The following BMP6 variants were observed in gnomAD, a reference collection of about 807,000 sequenced individuals.
BMP6 encodes the protein bone morphogenetic protein 6, also known as VG-1-R.
In BMP6, 17 loss-of-function variants were observed where a neutral mutation model predicts 54.1. That is an observed-to-expected ratio of 0.31 (90% CI 0.22 to 0.47). The LOEUF (loss-of-function observed/expected upper bound fraction) is 0.47. Among genes scored for constraint, BMP6 ranks in the 20% least tolerant of loss-of-function variants. The probability of loss-of-function intolerance (pLI) is 1.00; values close to 1 mark genes in which losing one functional copy is unlikely to be tolerated. For synonymous variants in BMP6, 328 were observed against 291.2 expected, an observed-to-expected ratio of 1.13 and a Z score of -1.28; for missense variants, 720 against 690.4, an observed-to-expected ratio of 1.04 and a Z score of -0.48.
chr6:7,847,920 C>A (rs1464703000), intron 2 of BMP6, among the ~76,000 whole-genome samples: 2 of 152,228 alleles, frequency 1.3e-5, no homozygotes, highest in East Asian at 3.9e-4. Flanking sequence ...TGAGAATAAG[C>A]CCTTAGATGG....
At chr6:7,801,553 TG>T (rs1460082858) in intron 1 of BMP6, among the ~76,000 whole-genome samples, 2 of 152,202 alleles carry the variant, frequency 1.3e-5, no homozygotes, top group African/African-American at 4.8e-5. Flanking sequence ...TCCACAGGCT[TG>T]GCATCACCTT....
chr6:7,811,803 A>G (rs1758440347), intron 1 of BMP6, among the ~76,000 whole-genome samples: 1 of 152,212 alleles, frequency 6.6e-6, no homozygotes, highest in African/African-American at 2.4e-5. Flanking sequence ...TCTTGCAGAG[A>G]TGAGAATGCT....
At chr6:7,732,365 C>G (rs1486443656) in intron 1 of BMP6, among the ~76,000 whole-genome samples, 1 of 152,160 alleles carries the variant, frequency 6.6e-6, no homozygotes, top group East Asian at 1.9e-4. Flanking sequence ...AAACTAAGAT[C>G]AAAGGGCAAG....
intron 1 of BMP6, among the ~76,000 whole-genome samples, chr6:7,766,582 C>T (rs1310722121): frequency 6.6e-6 from 1 of 152,090 alleles, no homozygotes; most frequent in Non-Finnish European, 1.5e-5. Flanking sequence ...CGTGCCACTG[C>T]ACTCCAGCCT....
chr6:7,802,510 G>T (rs1350631637), intron 1 of BMP6, among the ~76,000 whole-genome samples: 1 of 152,196 alleles, frequency 6.6e-6, no homozygotes, highest in Non-Finnish European at 1.5e-5. Context: ...TAATAAGGCA[G>T]TCAAAATTAA....
chr6:7,843,845 G>T (rs764451595), intron 1 of BMP6, among the ~76,000 whole-genome samples: 12 of 152,094 alleles, frequency 7.9e-5, no homozygotes, highest in Non-Finnish European at 1.5e-4. Flanking sequence ...TTTCTCATTT[G>T]TCTTCATGCG....
At chr6:7,767,582 T>G (rs1201251177) in intron 1 of BMP6, among the ~76,000 whole-genome samples, 1 of 152,208 alleles carries the variant, frequency 6.6e-6, no homozygotes, top group African/African-American at 2.4e-5. Flanking sequence ...GATACAAATC[T>G]GTAACTTTTT....
chr6:7,845,094 T>C (rs1434157581), intron 1 of BMP6, 46 bp from the exon 2 acceptor site: 3 of 1,538,790 alleles, frequency 1.9e-6, no homozygotes, highest in Non-Finnish European at 2.7e-6. Flanking sequence ...CCGTGGCACT[T>C]AGTCAAGTAA....
intron 1 of BMP6, among the ~76,000 whole-genome samples, chr6:7,744,375 T>C (rs768821599): frequency 2.0e-5 from 3 of 150,586 alleles, no homozygotes; most frequent in Non-Finnish European, 4.4e-5. Flanking sequence ...ACTCGGGAGG[T>C]TGAGGCAGGA....
chr6:7,800,079 G>GGTGTGTGTGTGT (rs72469855), intron 1 of BMP6, among the ~76,000 whole-genome samples: 1 of 145,066 alleles, frequency 6.9e-6, no homozygotes, highest in East Asian at 2.0e-4. Context: ...TAAAGGAAGG[G>GGTGTGTGTGTGT]GTGTGTGTGT....
chr6:7,859,802 C>T (rs759652797), intron 2 of BMP6, among the ~76,000 whole-genome samples: 3 of 152,100 alleles, frequency 2.0e-5, no homozygotes, highest in Admixed American at 1.3e-4. Context: ...TGTGGCCTCC[C>T]GCAGACTCTG....
chr6:7,828,575 C>A (rs975213083), intron 1 of BMP6, among the ~76,000 whole-genome samples: 2 of 152,252 alleles, frequency 1.3e-5, no homozygotes, highest in African/African-American at 2.4e-5. Flanking sequence ...GCCAGGCCAG[C>A]CAGCTCTTGA....
chr6:7,757,102 C>CAATG (rs1757526424), intron 1 of BMP6, among the ~76,000 whole-genome samples: 1 of 152,190 alleles, frequency 6.6e-6, no homozygotes, highest in South Asian at 2.1e-4. Context: ...CTTCTAAACT[C>CAATG]AATGAGATTG....
intron 1 of BMP6, among the ~76,000 whole-genome samples, chr6:7,759,831 G>A (rs567500499): frequency 6.8e-6 from 1 of 146,638 alleles, no homozygotes; most frequent in East Asian, 2.1e-4. Context: ...AGCCTCCCAA[G>A]TAGCTGGGAT....
chr6:7,858,781 C>T (rs528622687), intron 2 of BMP6, among the ~76,000 whole-genome samples: 4 of 150,280 alleles, frequency 2.7e-5, no homozygotes, highest in Non-Finnish European at 5.9e-5. Flanking sequence ...GCCTCACTTC[C>T]CTTCCAGAGG....
At chr6:7,765,061 G>A (rs549101851) in intron 1 of BMP6, among the ~76,000 whole-genome samples, 1 of 152,360 alleles carries the variant, frequency 6.6e-6, no homozygotes, top group Non-Finnish European at 1.5e-5. Context: ...GCTTTTTGCA[G>A]TTGTATTCCT....
At chr6:7,797,961 G>C (rs1318050421) in intron 1 of BMP6, among the ~76,000 whole-genome samples, 1 of 152,208 alleles carries the variant, frequency 6.6e-6, no homozygotes, top group Non-Finnish European at 1.5e-5. Flanking sequence ...TTTTTGTAAA[G>C]ATCAGATGTC....
At chr6:7,767,057 G>C (rs1757703920) in intron 1 of BMP6, among the ~76,000 whole-genome samples, 1 of 151,296 alleles carries the variant, frequency 6.6e-6, no homozygotes. Flanking sequence ...CGCGATCTCG[G>C]TGCACTGCAA....
chr6:7,765,809 G>A (rs549160375), intron 1 of BMP6, among the ~76,000 whole-genome samples: 1 of 152,352 alleles, frequency 6.6e-6, no homozygotes, highest in Non-Finnish European at 1.5e-5. Context: ...GGAGGCTCTA[G>A]GGGAGAATCC....
Sources: allele counts gnomAD v4.1 joint callset (sites outside exome capture counted in the v4.1 genomes callset), GRCh38; gene constraint gnomAD v4.1.1; transcripts MANE v1.5; gene names NCBI Gene and HGNC (gene_info 2026-07-23, HGNC 2026-07-21).